The following FBXW11 variants were observed in gnomAD, a reference collection of about 807,000 sequenced individuals.
The protein encoded by FBXW11 is F-box and WD repeat domain containing 11, also known as F-box/WD repeat-containing protein 11.
In FBXW11, 19 loss-of-function variants were observed where a neutral mutation model predicts 77.6. The observed-to-expected ratio is 0.24, with a 90% confidence interval of 0.17 to 0.36. The LOEUF is 0.36. Among genes scored for constraint, FBXW11 ranks in the 10% least tolerant of loss-of-function variants. FBXW11 has a pLI of 1.00. For missense variants in FBXW11, 334 were observed against 704.2 expected (o/e 0.47, Z 5.95); for synonymous variants, 235 against 249.4 (o/e 0.94, Z 0.54).
chr5:171,934,642 A>G (rs1468930013), intron 2 of FBXW11, among the ~76,000 whole-genome samples: 1 of 149,172 alleles, frequency 6.7e-6, no homozygotes, highest in Non-Finnish European at 1.5e-5. Context: ...GCGCCACCCT[A>G]CTCCAGCCTG....
At chr5:171,909,162 G>T (rs926427738) in intron 4 of FBXW11, among the ~76,000 whole-genome samples, 2 of 152,028 alleles carry the variant, frequency 1.3e-5, no homozygotes, top group Non-Finnish European at 2.9e-5. Flanking sequence ...CATATTCAAA[G>T]GGGAGTTCAG....
intron 1 of FBXW11, among the ~76,000 whole-genome samples, chr5:171,981,437 C>G (rs1397289485): frequency 2.6e-5 from 4 of 152,114 alleles, no homozygotes; most frequent in Admixed American, 1.3e-4. Flanking sequence ...CAAGTTATAA[C>G]CAAAAGTACC....
chr5:171,876,438 G>A lies in FBXW11; in HGVS notation c.1068C>T (p.Thr356=), dbSNP rs199594215. 1 of 1,614,004 alleles carries A rather than the reference G, an allele frequency of 6.2e-7. No homozygotes were observed. Among genetic ancestry groups the A allele is most frequent in the Non-Finnish European group, 8.5e-7 (1 of 1,180,016 alleles). ...CAGCAATGGAGCGGTCCTTGGAACA[G>A]GTCACCATCAGTCCATTGCTGAAGC... The part of the protein sequence containing the change: ...HLRFSNGLMV[T]CSKDRSIAVW... Residue 356 remains threonine, a synonymous_variant, in exon 9 of 14, where the codon ACC becomes ACT. Coordinates refer to ENST00000517395, the MANE Select transcript of FBXW11 (RefSeq NM_001378974.1). This position sits in a 1 kb window ranked among gnomAD's most constrained non-coding sequence, Gnocchi z 4.2.
At chr5:171,864,459 T>A (rs1328904205) in intron 13 of FBXW11, among the ~76,000 whole-genome samples, 1 of 152,172 alleles carries the variant, frequency 6.6e-6, no homozygotes, top group Non-Finnish European at 1.5e-5. Flanking sequence ...AAAGTACACA[T>A]ATAACAAAAG....
intron 2 of FBXW11, among the ~76,000 whole-genome samples, chr5:171,925,534 G>GC (rs1450826813): frequency 6.6e-6 from 1 of 152,166 alleles, no homozygotes; most frequent in Non-Finnish European, 1.5e-5. Flanking sequence ...AGGCTATAGT[G>GC]CAGTGGCATG....
chr5:171,957,181 A>G (rs907356793), intron 2 of FBXW11, among the ~76,000 whole-genome samples: 2 of 152,150 alleles, frequency 1.3e-5, no homozygotes, highest in East Asian at 3.8e-4. Context: ...TGAAGAGGGG[A>G]GAGAAAGCAA....
At chr5:171,926,372 GCT>G (rs1237695154) in intron 2 of FBXW11, among the ~76,000 whole-genome samples, 1 of 152,182 alleles carries the variant, frequency 6.6e-6, no homozygotes, top group East Asian at 1.9e-4. Flanking sequence ...CCCAAGCAGG[GCT>G]CTGACACAGT....
chr5:171,967,219 C>T (rs770651794), intron 1 of FBXW11, among the ~76,000 whole-genome samples: 1 of 152,170 alleles, frequency 6.6e-6, no homozygotes, highest in Non-Finnish European at 1.5e-5. Flanking sequence ...AGCAATTTCA[C>T]ATGTAAGAAA....
At chr5:171,951,370 T>C (rs540013819) in intron 2 of FBXW11, among the ~76,000 whole-genome samples, 56 of 152,022 alleles carry the variant, frequency 3.7e-4, no homozygotes, top group African/African-American at 1.3e-3. Flanking sequence ...ACCCTGTCTG[T>C]ACAAAAAACT....
chr5:171,890,765 G>C (rs562602422), intron 7 of FBXW11, among the ~76,000 whole-genome samples: 1 of 152,268 alleles, frequency 6.6e-6, no homozygotes, highest in East Asian at 1.9e-4. Flanking sequence ...GAAAGAGGCA[G>C]AAAAGCCCAG....
At chr5:171,987,113 T>C (rs1765488145) in intron 1 of FBXW11, among the ~76,000 whole-genome samples, 1 of 152,096 alleles carries the variant, frequency 6.6e-6, no homozygotes, top group Non-Finnish European at 1.5e-5. Flanking sequence ...AACAGTTCCA[T>C]CCCCACTCCC....
At chr5:171,921,455 C>A (rs1404239587) in intron 2 of FBXW11, among the ~76,000 whole-genome samples, 1 of 152,144 alleles carries the variant, frequency 6.6e-6, no homozygotes, top group African/African-American at 2.4e-5. Context: ...ACTCAGAAAT[C>A]AATGTACTTT....
At chr5:171,877,941 G>T in intron 8 of FBXW11, 70 bp downstream of exon 8, 1 of 1,097,398 alleles carries the variant, frequency 9.1e-7, no homozygotes, top group Non-Finnish European at 1.4e-6. Context: ...CTCTCCCAGA[G>T]GAGGATGTCA....
chr5:171,899,872 C>A (rs1201069434), intron 5 of FBXW11, 42 bp downstream of exon 5: 8 of 1,502,530 alleles, frequency 5.3e-6, no homozygotes, highest in South Asian at 2.7e-5. Context: ...GACTCTATGT[C>A]AATAAAATTT....
chr5:171,876,631 A>G lies in FBXW11; in HGVS notation c.972-97T>C. On this transcript the variant is annotated intron_variant, in intron 8 of 13. Transcript: ENST00000517395. The surrounding 1 kb of genome is among the most constrained non-coding windows in gnomAD (Gnocchi z 4.2). ...TGTCTGGGTCTGCAATGGTTTGGAT[A>G]TAGTTTGTCTGACTCTACCAAATCT... The G allele has an allele frequency of 2.1e-6, 3 of 1,462,158 alleles. No homozygotes were observed. Among genetic ancestry groups the G allele is most frequent in the African/African-American group, 1.4e-5 (1 of 71,616 alleles). The allele number at this position is 1,462,158 out of a possible 1,614,324, so 90.6% of individuals were successfully genotyped here.
chr5:171,966,885 C>T (rs1435770290), intron 1 of FBXW11, among the ~76,000 whole-genome samples: 1 of 152,174 alleles, frequency 6.6e-6, no homozygotes, highest in Non-Finnish European at 1.5e-5. Flanking sequence ...CTCATTAACT[C>T]TCATACCACC....
chr5:171,951,331 T>C (rs1403263020), intron 2 of FBXW11, among the ~76,000 whole-genome samples: 2 of 151,744 alleles, frequency 1.3e-5, no homozygotes, highest in Non-Finnish European at 1.5e-5. Flanking sequence ...AGACCAGAAG[T>C]TTGAGACCAG....
At chr5:171,960,500 T>C (rs758226598) in intron 1 of FBXW11, among the ~76,000 whole-genome samples, 7 of 152,232 alleles carry the variant, frequency 4.6e-5, no homozygotes, top group Non-Finnish European at 1.0e-4. Context: ...CAAGGGTTAA[T>C]AGTATTTGCC....
chr5:171,874,792 A>T, intron 9 of FBXW11, among the ~76,000 whole-genome samples: 1 of 145,088 alleles, frequency 6.9e-6, no homozygotes, highest in Non-Finnish European at 1.5e-5. Context: ...CGGGCCTGGT[A>T]GTGCCTGTAC....
Sources: gnomAD v4.1 joint callset for allele counts (sites outside exome capture counted in the v4.1 genomes callset) on GRCh38, gnomAD v4.1.1 for gene constraint, Gnocchi (gnomAD v3.1) non-coding constraint, MANE v1.5 for transcripts, NCBI Gene and HGNC (gene_info 2026-07-23, HGNC 2026-07-21) for gene names.